The following SLC14A2 variants were observed in gnomAD, a reference collection of about 807,000 sequenced individuals.
The protein encoded by SLC14A2 is solute carrier family 14 member 2.
A neutral mutation model predicts 104.6 loss-of-function variants in SLC14A2; 91 were observed. The observed-to-expected ratio is 0.87, with a 90% CI of 0.73 to 1.04. The LOEUF is 1.04. Among genes scored for constraint, SLC14A2 ranks in the 50% least tolerant of loss-of-function variants. The probability of loss-of-function intolerance (pLI) is 0.00; values close to 1 mark genes in which losing one functional copy is unlikely to be tolerated. For synonymous variants in SLC14A2, 476 were observed against 466.4 expected, an observed-to-expected ratio of 1.02 and a Z score of -0.27; for missense variants, 1,189 against 1,156.0, an observed-to-expected ratio of 1.03 and a Z score of -0.41.
At chr18:45,346,980 A>AAT (rs1555677973) in intron 1 of SLC14A2, among the ~76,000 whole-genome samples, 59 of 111,338 alleles carry the variant, frequency 5.3e-4, no homozygotes, top group African/African-American at 2.7e-3. Context: ...AATAAAAATA[A>AAT]AAATAAATAA....
At chr18:45,473,721 T>C (rs1300808549) in intron 1 of SLC14A2, among the ~76,000 whole-genome samples, 1 of 152,230 alleles carries the variant, frequency 6.6e-6, no homozygotes, top group Non-Finnish European at 1.5e-5. Flanking sequence ...CTTTTGCACA[T>C]TGATTTTGTA....
At chr18:45,373,142 G>A (rs111901019) in intron 1 of SLC14A2, among the ~76,000 whole-genome samples, 2 of 152,146 alleles carry the variant, frequency 1.3e-5, no homozygotes, top group African/African-American at 4.8e-5. Context: ...TAAGAACAGG[G>A]TTTATTGCTA....
chr18:45,666,817 C>A, intron 12 of SLC14A2, 118 bp from the exon 13 acceptor site: 2 of 833,734 alleles, frequency 2.4e-6, no homozygotes, highest in Admixed American at 4.8e-5. Flanking sequence ...GGTTAAACAG[C>A]AATTTAATGA....
intron 1 of SLC14A2, among the ~76,000 whole-genome samples, chr18:45,391,773 G>T (rs1247557699): frequency 6.6e-6 from 1 of 152,102 alleles, no homozygotes; most frequent in Non-Finnish European, 1.5e-5. Flanking sequence ...TGATGGGGTT[G>T]TTTGTTTATT....
At chr18:45,664,761 A>C (rs56731334) in intron 11 of SLC14A2, among the ~76,000 whole-genome samples, 1 of 152,316 alleles carries the variant, frequency 6.6e-6, no homozygotes, top group Non-Finnish European at 1.5e-5. Flanking sequence ...TGAATATGGG[A>C]AAATACACGA....
At chr18:45,605,443 C>T (rs2044853022) in intron 2 of SLC14A2, among the ~76,000 whole-genome samples, 1 of 152,060 alleles carries the variant, frequency 6.6e-6, no homozygotes, top group African/African-American at 2.4e-5. Flanking sequence ...TCTGCCAGGA[C>T]TTTTGACCTC....
intron 1 of SLC14A2, among the ~76,000 whole-genome samples, chr18:45,428,944 T>A (rs955103866): frequency 6.6e-6 from 1 of 152,214 alleles, no homozygotes; most frequent in Non-Finnish European, 1.5e-5. Flanking sequence ...TCCATGCACT[T>A]TTCCTAAATG....
rs374892307 is a variant in SLC14A2 at position 45,682,426 on chromosome 18, C to G, written c.2670C>G (p.Thr890=). Reference sequence around the variant, plus strand: ...ACAAGCTCCCGCTCAGCAAAGTCACCTACCCAGAGGCCAACCGCATCTACT... The same window carrying G: ...ACAAGCTCCCGCTCAGCAAAGTCACGTACCCAGAGGCCAACCGCATCTACT... The part of the protein sequence containing the change: ...AIYKLPLSKV[T]YPEANRIYYL... The change falls in exon 20 of 20, where the codon ACC becomes ACG. Residue 890 remains threonine, a synonymous_variant. Transcript: ENST00000255226. 1.9e-6 allele frequency: 3 copies of G among 1,614,048 alleles called. No individual in the cohort carries two copies. Among genetic ancestry groups the G allele is most frequent in the South Asian group, 1.1e-5 (1 of 91,090 alleles).
In SLC14A2 at chr18:45,289,168, T is replaced by G. The variant is rs2084845053; in HGVS notation, c.-125+75977T>G. ...TGGGTATGCTGCCCATCATTTGCTTTAATTATTATATCCATGTCTCTTTCA... is the reference window on the plus strand; with the variant it reads ...TGGGTATGCTGCCCATCATTTGCTTGAATTATTATATCCATGTCTCTTTCA... On this transcript the variant is annotated intron_variant, in intron 1 of 20. Transcript: ENST00000586448. Among the ~76,000 whole-genome samples, 4 of 152,218 alleles carry G rather than the reference T, an allele frequency of 2.6e-5. No homozygotes were observed. In the South Asian group the frequency reaches 8.3e-4, roughly 32 times the overall value.
intron 16 of SLC14A2, among the ~76,000 whole-genome samples, 170 bp downstream of exon 16, chr18:45,669,668 G>A (rs12958125): frequency 0.28 from 41,932 of 152,046 alleles, 6,798 homozygotes; most frequent in Middle Eastern, 0.39. Flanking sequence ...ACTTCTGAGA[G>A]CAAAAAGGGC....
chr18:45,287,463 C>A (rs1460541926), intron 1 of SLC14A2, among the ~76,000 whole-genome samples: 1 of 152,192 alleles, frequency 6.6e-6, no homozygotes, highest in Non-Finnish European at 1.5e-5. Context: ...CAACTCGTGG[C>A]CCACAGCAAG....
chr18:45,272,713 T>C (rs1405484055), intron 1 of SLC14A2, among the ~76,000 whole-genome samples: 2 of 152,112 alleles, frequency 1.3e-5, no homozygotes, highest in Non-Finnish European at 2.9e-5. Flanking sequence ...GTGACTTTAG[T>C]CAATAATAAC....
intron 2 of SLC14A2, chr18:45,527,947 G>A (rs1476834589): frequency 2.6e-5 from 4 of 152,090 alleles, no homozygotes; most frequent in Non-Finnish European, 5.9e-5. Flanking sequence ...TGGGAGCATC[G>A]TCCTGTAATC....
Position 45,679,102 on chromosome 18 carries a change from C to G in SLC14A2, c.2562+78C>G, listed in dbSNP as rs2046274923. On this transcript the variant is annotated intron_variant, in intron 19 of 19. Transcript: ENST00000255226. ...TTGGCTTCCCCAAACCTGCTGAAAA[C>G]CTCTCTCCTCTAAGAACTCTTCCCC... is the stretch of plus-strand genomic sequence containing the variant. 7 of 1,317,160 alleles carry G rather than the reference C, an allele frequency of 5.3e-6. No homozygotes were observed. The East Asian group carries it at 1.6e-4, about 30-fold the overall frequency. 81.6% of individuals were successfully genotyped at this position (1,317,160 alleles called of 1,614,324 possible).
chr18:45,223,379 A>G (rs2084082456), intron 1 of SLC14A2, among the ~76,000 whole-genome samples: 1 of 152,316 alleles, frequency 6.6e-6, no homozygotes, highest in East Asian at 1.9e-4. Context: ...TGATAGATGC[A>G]TATGTGTGTG....
Position 45,639,018 on chromosome 18 carries a change from C to T in SLC14A2, c.844-728C>T, listed in dbSNP as rs981650831. Among the ~76,000 whole-genome samples, 6 of 152,340 alleles carry T rather than the reference C, an allele frequency of 3.9e-5. 1 individual carries two copies. The highest frequency in any genetic ancestry group is 6.5e-5 in the Admixed American group (1 of 15,306). ...TCAGCACTGCCAAACAAATTCTCCC[C>T]AATTCCAGCACCAAGTTACTCTCAG... On this transcript the variant is annotated intron_variant, in intron 6 of 19. Coordinates refer to ENST00000255226, the MANE Select transcript of SLC14A2 (RefSeq NM_007163.4).
At chr18:45,177,248 A>G in the SLC14A2 span, among the ~76,000 whole-genome samples, 1 of 100,150 alleles carries the variant, frequency 1.0e-5, no homozygotes, top group Non-Finnish European at 2.5e-5. Flanking sequence ...ACTAGCCCCT[A>G]GCTGGTCAAC....
chr18:45,318,742 A>T, intron 1 of SLC14A2, among the ~76,000 whole-genome samples: 1 of 151,530 alleles, frequency 6.6e-6, no homozygotes, highest in East Asian at 1.9e-4. Flanking sequence ...AGCCAAGATC[A>T]CACCACTGCA....
intron 1 of SLC14A2, among the ~76,000 whole-genome samples, chr18:45,330,945 A>G (rs1306804100): frequency 6.6e-6 from 1 of 152,248 alleles, no homozygotes; most frequent in East Asian, 1.9e-4. Flanking sequence ...CAAACATGGA[A>G]GTGCTTCATG....
Sources: gnomAD v4.1 joint callset for allele counts (sites outside exome capture counted in the v4.1 genomes callset) on GRCh38, gnomAD v4.1.1 for gene constraint, MANE v1.5 for transcripts, NCBI Gene and HGNC (gene_info 2026-07-23, HGNC 2026-07-21) for gene names.